The following PDE7A variants were observed in gnomAD, a reference collection of about 807,000 sequenced individuals.
PDE7A encodes high affinity 3',5'-cyclic-AMP phosphodiesterase 7A.
PDE7A carries 39 observed loss-of-function variants against 64.3 expected under a neutral mutation model. That is an observed-to-expected ratio of 0.61 (90% CI 0.47 to 0.79). PDE7A has a LOEUF of 0.79. Among genes scored for constraint, PDE7A ranks in the 30% least tolerant of loss-of-function variants. The pLI is 0.00. For synonymous variants in PDE7A, 203 were observed against 206.8 expected (o/e 0.98, Z 0.16); for missense variants, 470 against 582.8 (o/e 0.81, Z 1.99).
chr8:65,767,234 T>C (rs1175269517), intron 3 of PDE7A, among the ~76,000 whole-genome samples: 1 of 152,164 alleles, frequency 6.6e-6, no homozygotes, highest in East Asian at 1.9e-4. Context: ...CCTCAGATTT[T>C]TGTTACGTAA....
intron 1 of PDE7A, among the ~76,000 whole-genome samples, chr8:65,831,849 T>A (rs1810829932): frequency 1.3e-5 from 2 of 152,170 alleles, no homozygotes; most frequent in Admixed American, 6.5e-5. Context: ...GACTTATTAT[T>A]CCTAAATTAA....
intron 1 of PDE7A, among the ~76,000 whole-genome samples, chr8:65,831,578 C>T (rs1810821618): frequency 6.6e-6 from 1 of 151,850 alleles, no homozygotes; most frequent in African/African-American, 2.4e-5. Flanking sequence ...CCCAGGATCT[C>T]TCATGGAAAG....
At chr8:65,828,936 T>C (rs1810743749) in intron 1 of PDE7A, among the ~76,000 whole-genome samples, 1 of 152,128 alleles carries the variant, frequency 6.6e-6, no homozygotes, top group Non-Finnish European at 1.5e-5. Flanking sequence ...TTCGAGTATT[T>C]TGCTAATTTT....
chr8:65,781,842 C>T (rs1363852121), intron 2 of PDE7A, among the ~76,000 whole-genome samples: 4 of 152,072 alleles, frequency 2.6e-5, no homozygotes, highest in Non-Finnish European at 4.4e-5. Context: ...GAATCCTGAA[C>T]ATGTTTGTTA....
intron 1 of PDE7A, among the ~76,000 whole-genome samples, chr8:65,794,165 A>G (rs979236780): frequency 6.6e-6 from 1 of 152,218 alleles, no homozygotes; most frequent in Non-Finnish European, 1.5e-5. Context: ...CTGTGAAATG[A>G]AAAATGGAAA....
intron 1 of PDE7A, among the ~76,000 whole-genome samples, chr8:65,802,785 C>G (rs1308465063): frequency 6.6e-6 from 1 of 152,168 alleles, no homozygotes; most frequent in Non-Finnish European, 1.5e-5. Flanking sequence ...TGCCCAATCT[C>G]ATGTTGAAAT....
intron 5 of PDE7A, among the ~76,000 whole-genome samples, chr8:65,741,584 T>C (rs1046953145): frequency 5.3e-5 from 8 of 152,224 alleles, no homozygotes; most frequent in African/African-American, 1.9e-4. Context: ...GAAAAAAGCA[T>C]TTCAAATCTT....
intron 1 of PDE7A, among the ~76,000 whole-genome samples, chr8:65,830,011 C>G (rs1191960587): frequency 2.0e-5 from 3 of 151,992 alleles, no homozygotes; most frequent in African/African-American, 7.2e-5. Context: ...TTTCTAGAAC[C>G]ATTGTGTTGA....
chr8:65,746,301 T>TATA (rs1291352807), intron 4 of PDE7A, among the ~76,000 whole-genome samples: 1 of 152,142 alleles, frequency 6.6e-6, no homozygotes, highest in Non-Finnish European at 1.5e-5. Context: ...CTTGCTCAGC[T>TATA]ATAAAGTGAT....
At chr8:65,839,203 TTTAC>T (rs747210477) in intron 1 of PDE7A, among the ~76,000 whole-genome samples, 2 of 149,062 alleles carry the variant, frequency 1.3e-5, no homozygotes, top group Admixed American at 6.6e-5. Flanking sequence ...CTGTAACTAT[TTTAC>T]TTAATGTCTT....
chr8:65,788,568 T>A (rs1809621059), intron 1 of PDE7A, among the ~76,000 whole-genome samples: 1 of 152,194 alleles, frequency 6.6e-6, no homozygotes, highest in African/African-American at 2.4e-5. Flanking sequence ...ACCAAAAGTA[T>A]AACTTAATTT....
chr8:65,772,987 G>A (rs367753097), intron 3 of PDE7A, among the ~76,000 whole-genome samples: 4 of 151,984 alleles, frequency 2.6e-5, no homozygotes, highest in Non-Finnish European at 5.9e-5. Context: ...CAGCCTGGGC[G>A]ACAGATTGAG....
intron 1 of PDE7A, among the ~76,000 whole-genome samples, chr8:65,832,839 C>G (rs748776286): frequency 4.8e-4 from 73 of 152,086 alleles, no homozygotes; most frequent in Non-Finnish European, 1.0e-3. Context: ...GGTTAAACAC[C>G]AGATCTCCTT....
At chr8:65,803,743 A>G (rs1484906414) in intron 1 of PDE7A, among the ~76,000 whole-genome samples, 3 of 152,228 alleles carry the variant, frequency 2.0e-5, no homozygotes, top group East Asian at 3.8e-4. Context: ...CAGTATTTAT[A>G]TTTGAAATAT....
chr8:65,841,401 G>A lies in PDE7A; in HGVS notation c.108C>T (p.Phe36=), dbSNP rs975215288. 6.4e-7 allele frequency: 1 copy of A among 1,564,046 alleles called. No homozygotes were observed. Among genetic ancestry groups the A allele is most frequent in the Non-Finnish European group, 8.6e-7 (1 of 1,159,590 alleles). The change falls in exon 1 of 13, where the codon TTC becomes TTT. Residue 36 remains phenylalanine (F), a synonymous_variant. Coordinates refer to ENST00000401827, the MANE Select transcript of PDE7A (RefSeq NM_001242318.3). ...AGAGCTGCCGGGGATTGGGGCAGCC[G>A]AAGAGAGCGGAGCTGGAGCTGAAGC... ...AISFSSSSAL[F]GCPNPRQLSQ...
intron 1 of PDE7A, among the ~76,000 whole-genome samples, chr8:65,813,116 CAAAT>C (rs1207922715): frequency 1.3e-5 from 2 of 152,082 alleles, no homozygotes; most frequent in African/African-American, 4.8e-5. Context: ...GTGAAAAACA[CAAAT>C]AAAAATACAA....
intron 5 of PDE7A, among the ~76,000 whole-genome samples, chr8:65,742,411 C>T (rs539922771): frequency 6.6e-6 from 1 of 152,288 alleles, no homozygotes; most frequent in South Asian, 2.1e-4. Flanking sequence ...CAAATGCATC[C>T]TACCAGACAA....
At chr8:65,759,516 G>T (rs575244003) in intron 3 of PDE7A, among the ~76,000 whole-genome samples, 31 of 152,274 alleles carry the variant, frequency 2.0e-4, no homozygotes, top group African/African-American at 7.2e-4. Context: ...CACCCAAGCT[G>T]TCCTGCCAAA....
At chr8:65,745,007 C>T (rs1196693252) in intron 5 of PDE7A, among the ~76,000 whole-genome samples, 2 of 152,284 alleles carry the variant, frequency 1.3e-5, no homozygotes, top group South Asian at 4.1e-4. Flanking sequence ...GGGAGGGACC[C>T]GGTGGGAGAC....
Sources: gnomAD v4.1 joint callset for allele counts (sites outside exome capture counted in the v4.1 genomes callset) on GRCh38, gnomAD v4.1.1 for gene constraint, MANE v1.5 for transcripts, NCBI Gene and HGNC (gene_info 2026-07-23, HGNC 2026-07-21) for gene names.